Variants in AVEN observed in about 807,000 individuals in gnomAD.
The protein encoded by AVEN is cell death regulator Aven.
Under a neutral mutation model 38.1 loss-of-function variants are expected in AVEN, and 41 were observed. That is an observed-to-expected ratio of 1.08 (90% CI 0.84 to 1.40). AVEN has a LOEUF of 1.40. AVEN is among the 40% of genes most tolerant of loss of function. The probability of loss-of-function intolerance (pLI) is 0.00; values close to 1 mark genes in which losing one functional copy is unlikely to be tolerated. For missense variants in AVEN, 605 were observed against 438.8 expected (o/e 1.38, Z -3.38); for synonymous variants, 206 against 171.8 (o/e 1.20, Z -1.56).
intron 2 of AVEN, 123 bp from the exon 3 acceptor site, chr15:33,876,118 G>A (rs1024150572): frequency 3.9e-6 from 3 of 773,964 alleles, no homozygotes; most frequent in Non-Finnish European, 4.1e-6. Context: ...GAGAGGCAAG[G>A]ATAAAACTGG....
intron 2 of AVEN, among the ~76,000 whole-genome samples, chr15:33,934,333 C>G (rs1893982143): frequency 6.6e-6 from 1 of 152,190 alleles, no homozygotes; most frequent in Admixed American, 6.5e-5. Flanking sequence ...GTACTCCAAT[C>G]TGAGTGACAC....
intron 2 of AVEN, 42 bp from the exon 3 acceptor site, chr15:33,876,037 G>A (rs1342630095): frequency 6.4e-6 from 10 of 1,560,156 alleles, no homozygotes; most frequent in East Asian, 2.3e-5. Flanking sequence ...AAAAGCCAAC[G>A]GAAACTCTCA....
chr15:34,057,141 G>GTTT (rs148277277), intron 5 of AVEN, among the ~76,000 whole-genome samples: 5 of 140,818 alleles, frequency 3.6e-5, no homozygotes, highest in Non-Finnish European at 4.7e-5. Context: ...GGTTTTTTTT[G>GTTT]GTTTTTTTTT....
chr15:33,939,575 T>C (rs1221199812), intron 2 of AVEN, among the ~76,000 whole-genome samples: 1 of 152,188 alleles, frequency 6.6e-6, no homozygotes, highest in African/African-American at 2.4e-5. Flanking sequence ...AACCAGGAGA[T>C]CTGGATTCTA....
chr15:33,949,207 T>C (rs909589208), intron 2 of AVEN, among the ~76,000 whole-genome samples: 5 of 151,736 alleles, frequency 3.3e-5, no homozygotes, highest in African/African-American at 1.2e-4. Flanking sequence ...GCATTTTTTT[T>C]AGTAGAGACA....
At chr15:33,990,164 G>A (rs1286790091) in intron 2 of AVEN, among the ~76,000 whole-genome samples, 5 of 148,994 alleles carry the variant, frequency 3.4e-5, no homozygotes, top group African/African-American at 1.0e-4. Context: ...AGATTGCATC[G>A]TTGCAATCCA....
Position 33,932,667 on chromosome 15 carries a change from A to T in AVEN, c.446-56672T>A, listed in dbSNP as rs184906767. 6.6e-3 allele frequency among the ~76,000 whole-genome samples: 1,011 copies of T among 152,174 alleles called. 11 individuals are homozygous for T. The highest frequency in any genetic ancestry group is 0.026 in the South Asian group (126 of 4,822). ...TGATGAAACCCTGTCTCTACTAAAAATACAAAAATTAGCTAGGTGTGGTGG... is the reference window on the plus strand; with the variant it reads ...TGATGAAACCCTGTCTCTACTAAAATTACAAAAATTAGCTAGGTGTGGTGG... On this transcript the variant is annotated intron_variant, in intron 2 of 5. Coordinates refer to ENST00000306730, the MANE Select transcript of AVEN (RefSeq NM_020371.3).
At position 33,953,937 on chromosome 15, in the gene AVEN, G is replaced by A. The variant is rs909068474; in HGVS notation, c.445+49095C>T. Reference sequence around the variant, plus strand: ...GAATCTACAAAGAACTTAAACTTTCGAGAACTTAAATTTTCAAGAAAAAAT... The same window carrying A: ...GAATCTACAAAGAACTTAAACTTTCAAGAACTTAAATTTTCAAGAAAAAAT... On this transcript the variant is annotated intron_variant, in intron 2 of 5. Coordinates refer to ENST00000306730, the MANE Select transcript of AVEN (RefSeq NM_020371.3). Among the ~76,000 whole-genome samples, 8 of 151,616 alleles carry A rather than the reference G, an allele frequency of 5.3e-5. No individual in the cohort carries two copies. In the East Asian group the frequency reaches 9.7e-4, roughly 18 times the overall value.
chr15:34,013,605 T>A (rs940789273), intron 1 of AVEN, among the ~76,000 whole-genome samples: 4 of 152,150 alleles, frequency 2.6e-5, no homozygotes, highest in African/African-American at 4.8e-5. Context: ...CAAAGACCAA[T>A]AAGCCAAGGG....
upstream of AVEN, among the ~76,000 whole-genome samples, chr15:34,039,718 A>ATTT (rs1899385993): frequency 6.6e-6 from 1 of 152,218 alleles, no homozygotes. Flanking sequence ...TTCTGTAGAA[A>ATTT]TGACTACTAC....
intron 1 of AVEN, among the ~76,000 whole-genome samples, chr15:34,023,446 A>C (rs1597363365): frequency 3.9e-5 from 6 of 152,256 alleles, no homozygotes; most frequent in Admixed American, 3.9e-4. Context: ...ATGATAGCCG[A>C]TACACACCAG....
At chr15:33,864,978 G>C (rs1043589405), downstream of AVEN, among the ~76,000 whole-genome samples, 2 of 152,208 alleles carry the variant, frequency 1.3e-5, no homozygotes, top group Non-Finnish European at 2.9e-5. Context: ...CAAACAGCCT[G>C]TGCTGGGAAT....
At chr15:33,891,216 G>A (rs680342) in intron 2 of AVEN, among the ~76,000 whole-genome samples, 124,753 of 152,210 alleles carry the variant, frequency 0.82, 55,216 homozygotes, top group Non-Finnish European at 0.98. Context: ...GTTTTATATT[G>A]TATTAACTAT....
intron 2 of AVEN, among the ~76,000 whole-genome samples, chr15:33,916,958 A>G (rs1893161655): frequency 6.6e-6 from 1 of 152,138 alleles, no homozygotes; most frequent in African/African-American, 2.4e-5. Context: ...AAAGGGGAAA[A>G]GCCCCTTATA....
chr15:33,994,574 C>T (rs1319430119), intron 2 of AVEN, among the ~76,000 whole-genome samples: 1 of 152,172 alleles, frequency 6.6e-6, no homozygotes, highest in Non-Finnish European at 1.5e-5. Context: ...AGGTTGGGGA[C>T]CTCTGCTCTA....
intron 2 of AVEN, among the ~76,000 whole-genome samples, chr15:33,901,246 G>A (rs555615735): frequency 6.6e-6 from 1 of 152,256 alleles, no homozygotes; most frequent in African/African-American, 2.4e-5. Flanking sequence ...CAGCCTGGGC[G>A]ACAGAGCAAG....
At chr15:34,041,388 C>G (rs1159018969), upstream of AVEN, among the ~76,000 whole-genome samples, 1 of 152,052 alleles carries the variant, frequency 6.6e-6, no homozygotes, top group African/African-American at 2.4e-5. Context: ...ATTGAGAAAC[C>G]CTGATTTGGG....
intron 2 of AVEN, among the ~76,000 whole-genome samples, chr15:33,900,695 A>G (rs1349899248): frequency 3.3e-5 from 5 of 152,180 alleles, no homozygotes; most frequent in Non-Finnish European, 7.3e-5. Flanking sequence ...TTTATTTTCA[A>G]CCATACAATA....
At chr15:34,017,832 T>C (rs935545937) in intron 1 of AVEN, among the ~76,000 whole-genome samples, 1 of 152,178 alleles carries the variant, frequency 6.6e-6, no homozygotes, top group African/African-American at 2.4e-5. Flanking sequence ...AGCAACTAAG[T>C]AATGCACCAC....
Sources: gnomAD v4.1 joint callset for allele counts (sites outside exome capture counted in the v4.1 genomes callset) on GRCh38, gnomAD v4.1.1 for gene constraint, MANE v1.5 for transcripts, NCBI Gene and HGNC (gene_info 2026-07-23, HGNC 2026-07-21) for gene names.